FILIP1L: variants seen among roughly 807,000 people sequenced by gnomAD.
The protein encoded by FILIP1L is filamin A-interacting protein 1-like.
Under a neutral mutation model 96.6 loss-of-function variants are expected in FILIP1L, and 55 were observed. That is an observed-to-expected ratio of 0.57 (90% confidence interval 0.46 to 0.71). The LOEUF is 0.71. Among genes scored for constraint, FILIP1L ranks in the 30% least tolerant of loss-of-function variants. The pLI is 0.00. For synonymous variants in FILIP1L, 467 were observed against 473.9 expected (o/e 0.99, Z 0.19); for missense variants, 1,304 against 1,321.2 (o/e 0.99, Z 0.20).
intron 4 of FILIP1L, among the ~76,000 whole-genome samples, chr3:99,895,813 AGGT>A (rs2107619744): frequency 6.6e-6 from 1 of 152,326 alleles, no homozygotes; most frequent in East Asian, 1.9e-4. Flanking sequence ...CCCATAGAAT[AGGT>A]GCCTCCTTAA....
chr3:100,033,752 T>G (rs1363676838), intron 1 of FILIP1L, among the ~76,000 whole-genome samples: 2 of 152,242 alleles, frequency 1.3e-5, no homozygotes, highest in Non-Finnish European at 2.9e-5. Context: ...ATGTGGTGAC[T>G]CAGCCCTGTT....
At chr3:99,942,322 A>C (rs1707874458) in intron 1 of FILIP1L, among the ~76,000 whole-genome samples, 1 of 152,212 alleles carries the variant, frequency 6.6e-6, no homozygotes, top group Non-Finnish European at 1.5e-5. Flanking sequence ...GTGAAATGAC[A>C]TGTTCTCCTG....
chr3:99,833,172 T>C (rs1052591626), intron 5 of FILIP1L: 4 of 1,440,952 alleles, frequency 2.8e-6, no homozygotes, highest in African/African-American at 1.4e-5. Context: ...TAATAAATGC[T>C]TAACCCAGTT....
intron 4 of FILIP1L, among the ~76,000 whole-genome samples, chr3:99,855,969 T>C (rs1189569243): frequency 6.6e-6 from 1 of 152,196 alleles, no homozygotes; most frequent in Non-Finnish European, 1.5e-5. Context: ...TAAATACATA[T>C]CCCTCTGGTA....
chr3:99,903,523 T>C (rs2107629909), intron 4 of FILIP1L, among the ~76,000 whole-genome samples: 1 of 152,314 alleles, frequency 6.6e-6, no homozygotes, highest in East Asian at 1.9e-4. Flanking sequence ...GTGCTGGGAT[T>C]ACAGGCGTGA....
At position 99,850,580 on chromosome 3, in the gene FILIP1L, C is replaced by T. The variant is rs1195068382; in HGVS notation, c.1096G>A (p.Ala366Thr). 1.2e-6 allele frequency: 2 copies of T among 1,613,694 alleles called. No individual in the cohort carries two copies. The highest frequency in any genetic ancestry group is 1.1e-5 in the South Asian group (1 of 91,082). ...EKISKGEYGNAGIMAEVEELR... is the reference protein window; with the variant it reads ...EKISKGEYGNTGIMAEVEELR... ...TCTTCCACTTCAGCCATGATACCAGCGTTTCCATATTCTCCCTTACTGATT... is the reference window on the plus strand; with the variant it reads ...TCTTCCACTTCAGCCATGATACCAGTGTTTCCATATTCTCCCTTACTGATT... Residue 366 changes from alanine (A) to threonine (T), a missense_variant, in exon 5 of 6, where the codon GCT becomes ACT. Ala to Thr is a moderately conservative substitution (Grantham distance 58). Transcript: ENST00000477258.
intron 1 of FILIP1L, among the ~76,000 whole-genome samples, chr3:100,019,163 A>G (rs936662496): frequency 6.6e-6 from 1 of 152,166 alleles, no homozygotes; most frequent in Non-Finnish European, 1.5e-5. Context: ...TTATCCATCA[A>G]TTCCATTTCT....
At chr3:100,024,144 A>G (rs747412637) in intron 1 of FILIP1L, among the ~76,000 whole-genome samples, 23 of 152,068 alleles carry the variant, frequency 1.5e-4, no homozygotes, top group Non-Finnish European at 2.9e-4. Context: ...TTTCAGTGTC[A>G]TGGTCGCCTA....
intron 4 of FILIP1L, among the ~76,000 whole-genome samples, chr3:99,888,389 G>C (rs527704902): frequency 3.3e-5 from 5 of 152,120 alleles, no homozygotes; most frequent in South Asian, 2.1e-4. Flanking sequence ...GTGACTGCTA[G>C]AGAATGGTTT....
At chr3:99,924,564 G>A (rs1045931104) in intron 3 of FILIP1L, among the ~76,000 whole-genome samples, 156 bp from the exon 4 acceptor site, 1 of 152,160 alleles carries the variant, frequency 6.6e-6, no homozygotes, top group Non-Finnish European at 1.5e-5. Context: ...CGTTGCCCAG[G>A]CTGGAGTGCA....
At chr3:99,951,818 C>G (rs1708185724) in intron 1 of FILIP1L, among the ~76,000 whole-genome samples, 1 of 152,186 alleles carries the variant, frequency 6.6e-6, no homozygotes, top group Non-Finnish European at 1.5e-5. Flanking sequence ...TACTCAAACT[C>G]TATCTTTCCA....
intron 4 of FILIP1L, among the ~76,000 whole-genome samples, chr3:99,921,037 G>T (rs1707108297): frequency 6.6e-6 from 1 of 152,144 alleles, no homozygotes; most frequent in South Asian, 2.1e-4. Flanking sequence ...TTGTTTCACT[G>T]CTGGGAGGGT....
chr3:100,088,672 T>G (rs1185458349), intron 1 of FILIP1L, among the ~76,000 whole-genome samples: 1 of 152,138 alleles, frequency 6.6e-6, no homozygotes, highest in Non-Finnish European at 1.5e-5. Flanking sequence ...CTTCTTTTTC[T>G]CCTCATCACT....
At chr3:100,054,524 T>TATGTC (rs1448236375) in intron 1 of FILIP1L, among the ~76,000 whole-genome samples, 8 of 151,146 alleles carry the variant, frequency 5.3e-5, no homozygotes, top group Non-Finnish European at 1.2e-4. Flanking sequence ...TATGTTATGT[T>TATGTC]ATGTTATGTT....
chr3:99,958,214 TTATTA>T (rs1278187557), intron 1 of FILIP1L, among the ~76,000 whole-genome samples: 1 of 135,848 alleles, frequency 7.4e-6, no homozygotes, highest in Middle Eastern at 3.4e-3. Context: ...ATTATTATTA[TTATTA>T]TTATTATTAT....
At chr3:99,977,159 G>C (rs986890674) in intron 1 of FILIP1L, among the ~76,000 whole-genome samples, 2 of 152,172 alleles carry the variant, frequency 1.3e-5, no homozygotes, top group African/African-American at 4.8e-5. Flanking sequence ...GGCATGTACT[G>C]TACACAGTTC....
chr3:99,849,214 G>A lies in FILIP1L; in HGVS notation c.2462C>T (p.Ala821Val). The change falls in exon 5 of 6, where the codon GCA becomes GTA. Residue 821 changes from alanine to valine, a missense_variant. Coordinates refer to ENST00000477258, the MANE Select transcript of FILIP1L (RefSeq NM_001387850.1). ...DYKSLIPLER[A>V]VINGQLYEES... The stretch of plus-strand genomic sequence containing the variant: ...CTCATATAACTGACCATTGATGACT[G>A]CACGTTCCAGAGGAATGAGGCTCTT... 7 of 1,614,042 alleles carry A rather than the reference G, an allele frequency of 4.3e-6. No homozygotes were observed. Among genetic ancestry groups the A allele is most frequent in the South Asian group, 1.1e-5 (1 of 91,078 alleles).
At position 99,849,197 on chromosome 3, in the gene FILIP1L, A is replaced by T; in HGVS notation, c.2479T>A (p.Leu827Ile). The T allele has an allele frequency of 1.9e-6, 3 of 1,614,036 alleles. No individual in the cohort carries two copies. Among genetic ancestry groups the T allele is most frequent in the African/African-American group, 2.7e-5 (2 of 75,010 alleles). Residue 827 changes from leucine to isoleucine, a missense_variant, in exon 5 of 6, where the codon TTA becomes ATA. By Grantham distance (5) the Leu-to-Ile change is conservative (BLOSUM62 2). Transcript: ENST00000477258. ...PLERAVINGQ[L>I]YEESENQDED... is the part of the protein sequence containing the mutation. ...TCTTGATTCTCACTCTCCTCATATA[A>T]CTGACCATTGATGACTGCACGTTCC... is the stretch of plus-strand genomic sequence containing the variant.
At chr3:99,951,672 G>A (rs1392323429) in intron 1 of FILIP1L, among the ~76,000 whole-genome samples, 1 of 152,126 alleles carries the variant, frequency 6.6e-6, no homozygotes, top group Admixed American at 6.6e-5. Flanking sequence ...GTTGGGCTTG[G>A]CCACCTTATG....
Sources: allele counts gnomAD v4.1 joint callset (sites outside exome capture counted in the v4.1 genomes callset), GRCh38; gene constraint gnomAD v4.1.1; transcripts MANE v1.5; gene names NCBI Gene and HGNC (gene_info 2026-07-23, HGNC 2026-07-21).